The following UBE2W variants were observed in gnomAD, a reference collection of about 807,000 sequenced individuals.
UBE2W encodes the protein ubiquitin conjugating enzyme E2 W, also known as ubiquitin-conjugating enzyme E2 W.
UBE2W carries 18 observed loss-of-function variants against 27.2 expected under a neutral mutation model. That is an observed-to-expected ratio of 0.66 (90% confidence interval 0.46 to 0.98). UBE2W has a LOEUF of 0.98. Ranked by LOEUF, UBE2W falls within the 50% of genes least tolerant of loss-of-function variation. The probability of loss-of-function intolerance (pLI) is 0.00; values close to 1 mark genes in which losing one functional copy is unlikely to be tolerated. For missense variants in UBE2W, 90 were observed against 180.2 expected, an observed-to-expected ratio of 0.50 and a Z score of 2.87; for synonymous variants, 53 against 57.2, an observed-to-expected ratio of 0.93 and a Z score of 0.33.
intron 1 of UBE2W, among the ~76,000 whole-genome samples, chr8:73,839,319 G>C (rs1435475073): frequency 7.1e-6 from 1 of 141,228 alleles, no homozygotes; most frequent in African/African-American, 2.6e-5. Flanking sequence ...TTGAATCATG[G>C]AAGACATTTT....
Position 73,787,322 on chromosome 8 carries a change from A to G in UBE2W, c.*6780T>C, listed in dbSNP as rs1807996792. On this transcript the variant is annotated 3_prime_UTR_variant, in exon 6 of 6. Transcript: ENST00000602593. The stretch of plus-strand genomic sequence containing the variant: ...GTGTTATGTTAGTGTGAAAATGAGT[A>G]AGAAATATAGGGAGGACATAAACAG... 6.1e-6 allele frequency: 6 copies of G among 985,314 alleles called. No homozygotes were observed. The highest frequency in any genetic ancestry group is 1.7e-5 in the African/African-American group (1 of 57,234). The allele number at this position is 985,314 out of a possible 1,614,324, so 61.0% of individuals were successfully genotyped here.
intron 1 of UBE2W, among the ~76,000 whole-genome samples, chr8:73,858,360 C>CAAAAAAA (rs10538314): frequency 1.1e-5 from 1 of 90,346 alleles, no homozygotes. Flanking sequence ...GACTTCATCT[C>CAAAAAAA]AAAAAAAAAA....
rs1213465100 is a variant in UBE2W, at chr8:73,780,529, ATTT to A, written c.430-15_430-13del. Reference sequence around the variant, plus strand: ...GGCAGATTTCAGTTCTGAAAAAAAAATTTATTTATTTATTTATTTTTTGAGACA... The same window carrying A: ...GGCAGATTTCAGTTCTGAAAAAAAAAATTTATTTATTTATTTTTTGAGACA... On this transcript the variant is annotated splice_polypyrimidine_tract_variant and intron_variant, in intron 4 of 4. Transcript: ENST00000523278. 3.2e-5 allele frequency: 14 copies of A among 433,536 alleles called. No individual in the cohort carries two copies. The African/African-American group carries it at 3.5e-4, about 11-fold the overall frequency. The allele number at this position is 433,536 out of a possible 1,614,324, so 26.9% of individuals were successfully genotyped here.
intron 5 of UBE2W, among the ~76,000 whole-genome samples, chr8:73,801,305 T>C (rs942232459): frequency 1.3e-5 from 2 of 152,196 alleles, no homozygotes; most frequent in Non-Finnish European, 2.9e-5. Context: ...ATTATCTTTT[T>C]GAACTTTCTC....
chr8:73,842,080 A>G (rs1410551192), intron 1 of UBE2W, among the ~76,000 whole-genome samples: 2 of 152,216 alleles, frequency 1.3e-5, no homozygotes, highest in Non-Finnish European at 2.9e-5. Context: ...GGAGAAATCC[A>G]AGTTCTGTCC....
At chr8:73,781,929 C>CTTTTTTTTTTTTTTTTTT (rs71269945), downstream of UBE2W, among the ~76,000 whole-genome samples, 1 of 96,012 alleles carries the variant, frequency 1.0e-5, no homozygotes, top group African/African-American at 3.8e-5. Flanking sequence ...TAAAAGCCTC[C>CTTTTTTTTTTTTTTTTTT]TTTTTTTTTT....
intron 3 of UBE2W, among the ~76,000 whole-genome samples, chr8:73,820,491 CT>C (rs1434893872): frequency 2.0e-5 from 3 of 152,068 alleles, no homozygotes; most frequent in Non-Finnish European, 4.4e-5. Context: ...GATCCCAGTA[CT>C]TTGACAGGCC....
Position 73,858,780 on chromosome 8 carries a change from G to A in UBE2W, c.15+20028C>T, listed in dbSNP as rs1323615045. 4.0e-5 allele frequency among the ~76,000 whole-genome samples: 6 copies of A among 150,692 alleles called. No individual in the cohort carries two copies. In the East Asian group the frequency reaches 9.8e-4, roughly 25 times the overall value. ...CCTTTCCAAGCCATCACCATTAACT[G>A]TCTTAACTTTCTGTTACTTGTACTT... is the stretch of plus-strand genomic sequence containing the variant. On this transcript the variant is annotated intron_variant, in intron 1 of 5. Transcript: ENST00000602593.
At chr8:73,827,937 T>C (rs1415563608) in intron 2 of UBE2W, among the ~76,000 whole-genome samples, 1 of 152,198 alleles carries the variant, frequency 6.6e-6, no homozygotes, top group African/African-American at 2.4e-5. Flanking sequence ...ATAACCACTG[T>C]TAAAGTTTTT....
intron 1 of UBE2W, among the ~76,000 whole-genome samples, chr8:73,849,541 A>AT (rs1810982608): frequency 6.8e-6 from 1 of 148,034 alleles, no homozygotes; most frequent in African/African-American, 2.5e-5. Context: ...AAAAAAAAAA[A>AT]TTGTGTGTAA....
chr8:73,794,015 C>G lies in UBE2W; in HGVS notation c.*87G>C. 6.3e-7 allele frequency: 1 copy of G among 1,590,512 alleles called. No homozygotes were observed. Among genetic ancestry groups the G allele is most frequent in the Non-Finnish European group, 8.5e-7 (1 of 1,169,758 alleles). On this transcript the variant is annotated 3_prime_UTR_variant, in exon 6 of 6. Coordinates refer to ENST00000602593, the MANE Select transcript of UBE2W (RefSeq NM_018299.6). Reference sequence around the variant, plus strand: ...TCATTGCCTATAGGTCACTTCCAGTCAAAGGTTAAAGTTCAAAGACTGAAT... The same window carrying G: ...TCATTGCCTATAGGTCACTTCCAGTGAAAGGTTAAAGTTCAAAGACTGAAT...
chr8:73,784,692 T>C (rs944249022), downstream of UBE2W, among the ~76,000 whole-genome samples: 3 of 152,144 alleles, frequency 2.0e-5, no homozygotes, highest in Admixed American at 1.3e-4. Context: ...GGTGCAAGTC[T>C]GAATGATGGC....
intron 1 of UBE2W, among the ~76,000 whole-genome samples, chr8:73,861,353 A>C (rs558474509): frequency 9.3e-4 from 141 of 152,314 alleles, no homozygotes; most frequent in African/African-American, 3.2e-3. Context: ...AGGACTAGCA[A>C]TAATAATGAC....
chr8:73,849,223 TA>T (rs1810960089), intron 1 of UBE2W, among the ~76,000 whole-genome samples: 1 of 151,930 alleles, frequency 6.6e-6, no homozygotes, highest in Non-Finnish European at 1.5e-5. Flanking sequence ...ATCTAAAAAA[TA>T]TTGTAGGCCA....
At chr8:73,785,018 C>T (rs1807910386), downstream of UBE2W, among the ~76,000 whole-genome samples, 1 of 152,196 alleles carries the variant, frequency 6.6e-6, no homozygotes, top group African/African-American at 2.4e-5. Flanking sequence ...CTCTGCTCAT[C>T]CTGAACCAGT....
At chr8:73,875,826 G>C (rs1812194838) in intron 1 of UBE2W, among the ~76,000 whole-genome samples, 1 of 152,074 alleles carries the variant, frequency 6.6e-6, no homozygotes, top group South Asian at 2.1e-4. Context: ...GAGGCGAGTG[G>C]ATCGCCTGAG....
At chr8:73,852,326 A>G (rs1811115735) in intron 1 of UBE2W, among the ~76,000 whole-genome samples, 1 of 152,182 alleles carries the variant, frequency 6.6e-6, no homozygotes, top group African/African-American at 2.4e-5. Context: ...CAAGAGGCAA[A>G]GAGTTTACTA....
intron 5 of UBE2W, among the ~76,000 whole-genome samples, chr8:73,794,854 T>TAAAAAAA (rs1289254274): frequency 4.6e-5 from 2 of 43,924 alleles, no homozygotes; most frequent in African/African-American, 9.0e-5. Flanking sequence ...CTCTGTCTCA[T>TAAAAAAA]AAAAAAAAAA....
intron 1 of UBE2W, among the ~76,000 whole-genome samples, chr8:73,841,365 T>C (rs891158944): frequency 6.6e-6 from 1 of 152,204 alleles, no homozygotes; most frequent in Non-Finnish European, 1.5e-5. Context: ...TCTGATGACA[T>C]TTCTAACAGT....
Sources: allele counts gnomAD v4.1 joint callset (sites outside exome capture counted in the v4.1 genomes callset), GRCh38; gene constraint gnomAD v4.1.1; transcripts MANE v1.5; gene names NCBI Gene and HGNC (gene_info 2026-07-23, HGNC 2026-07-21).